ANKS1B: variants seen among roughly 807,000 people sequenced by gnomAD.
ANKS1B encodes ankyrin repeat and sterile alpha motif domain-containing protein 1B.
In ANKS1B, 36 loss-of-function variants were observed where a neutral mutation model predicts 148.3. The observed-to-expected ratio is 0.24, with a 90% CI of 0.19 to 0.32. The LOEUF is 0.32. ANKS1B is among the 10% of genes least tolerant of loss of function. ANKS1B has a pLI of 1.00. For missense variants in ANKS1B, 1,157 were observed against 1,542.6 expected (o/e 0.75, Z 4.19); for synonymous variants, 542 against 560.8 (o/e 0.97, Z 0.47).
chr12:99,223,375 C>CATTGTAACATAT (rs1488272338), intron 14 of ANKS1B, among the ~76,000 whole-genome samples: 3 of 152,180 alleles, frequency 2.0e-5, no homozygotes, highest in Admixed American at 2.0e-4. Context: ...ATTATTATTA[C>CATTGTAACATAT]ATTGTAACAT....
chr12:99,420,440 T>C (rs2095047162), intron 11 of ANKS1B, among the ~76,000 whole-genome samples: 1 of 152,180 alleles, frequency 6.6e-6, no homozygotes, highest in Non-Finnish European at 1.5e-5. Context: ...GTTTTAAGAA[T>C]AAGCACATAG....
chr12:99,448,390 C>T (rs961722202), intron 10 of ANKS1B, among the ~76,000 whole-genome samples: 6 of 152,048 alleles, frequency 3.9e-5, no homozygotes, highest in Non-Finnish European at 7.4e-5. Context: ...GAAATCTAAA[C>T]AAAGTCGAAC....
chr12:99,958,409 G>T (rs758460313), intron 1 of ANKS1B, among the ~76,000 whole-genome samples: 15 of 152,058 alleles, frequency 9.9e-5, no homozygotes, highest in Non-Finnish European at 2.2e-4. Flanking sequence ...TTGAGACAGG[G>T]TCTCACTTTG....
chr12:99,082,928 C>A (rs2050323914), intron 16 of ANKS1B, among the ~76,000 whole-genome samples: 1 of 152,020 alleles, frequency 6.6e-6, no homozygotes, highest in Admixed American at 6.6e-5. Flanking sequence ...AGTATGGAAG[C>A]CATTGCTGAA....
intron 17 of ANKS1B, among the ~76,000 whole-genome samples, chr12:98,836,862 A>G (rs2099366470): frequency 6.6e-6 from 1 of 152,232 alleles, no homozygotes; most frequent in African/African-American, 2.4e-5. Context: ...AAAAAACAAT[A>G]CTGAATTTCT....
chr12:99,364,185 T>C (rs2092641992), intron 12 of ANKS1B, among the ~76,000 whole-genome samples: 1 of 152,136 alleles, frequency 6.6e-6, no homozygotes, highest in South Asian at 2.1e-4. Context: ...ACAGTTTGAT[T>C]AAAGATGTAC....
At chr12:99,893,726 G>A (rs1294618961) in intron 1 of ANKS1B, among the ~76,000 whole-genome samples, 8 of 152,064 alleles carry the variant, frequency 5.3e-5, no homozygotes, top group South Asian at 2.1e-4. Context: ...ATTTATAAGC[G>A]AGAACATGTG....
chr12:99,681,777 A>C (rs1255361295), intron 8 of ANKS1B, among the ~76,000 whole-genome samples: 4 of 152,226 alleles, frequency 2.6e-5, no homozygotes, highest in Non-Finnish European at 4.4e-5. Flanking sequence ...TGACAAAACA[A>C]GGACCATTAA....
chr12:99,606,861 C>T (rs1199788076), intron 9 of ANKS1B, among the ~76,000 whole-genome samples: 1 of 152,016 alleles, frequency 6.6e-6, no homozygotes, highest in African/African-American at 2.4e-5. Context: ...CCAAACTAAC[C>T]CTACATTTGC....
At position 98,751,264 on chromosome 12, in the gene ANKS1B, T is replaced by C; in HGVS notation, c.3747+91A>G. 7.5e-7 allele frequency: 1 copy of C among 1,339,530 alleles called. No homozygotes were observed. The highest frequency in any genetic ancestry group is 1.0e-6 in the Non-Finnish European group (1 of 981,126). 83.0% of individuals were successfully genotyped at this position (1,339,530 alleles called of 1,614,324 possible). A position where few individuals can be genotyped will look rare whatever the true frequency, so the allele number is the denominator to read the frequency against. ...AGGATGAAGAAGAGGCCCTGGGTTC[T>C]AATGGCACCCACACCACACAAGGGC... On this transcript the variant is annotated intron_variant, in intron 26 of 26. Transcript: ENST00000683438. The surrounding 1 kb of genome is among the most constrained non-coding windows in gnomAD (Gnocchi z 4.3).
At chr12:99,793,244 G>A (rs567673664) in intron 4 of ANKS1B, among the ~76,000 whole-genome samples, 2 of 152,118 alleles carry the variant, frequency 1.3e-5, no homozygotes, top group East Asian at 3.9e-4. Context: ...AATCAATATT[G>A]TTAAAATGTC....
intron 17 of ANKS1B, among the ~76,000 whole-genome samples, chr12:98,839,898 A>T (rs770872666): frequency 3.9e-5 from 6 of 152,184 alleles, no homozygotes; most frequent in Non-Finnish European, 7.3e-5. Context: ...CACATGATAC[A>T]TCCTGGTGGG....
chr12:98,927,994 G>A (rs1049097389), intron 17 of ANKS1B, among the ~76,000 whole-genome samples: 6 of 151,080 alleles, frequency 4.0e-5, no homozygotes, highest in African/African-American at 1.5e-4. Context: ...AAAACCAAAA[G>A]TGTATTCTTT....
intron 16 of ANKS1B, among the ~76,000 whole-genome samples, chr12:99,064,823 G>GT (rs1189527113): frequency 1.3e-5 from 2 of 152,128 alleles, no homozygotes; most frequent in Non-Finnish European, 2.9e-5. Flanking sequence ...GAATGGTTTT[G>GT]TTGTACCTCT....
chr12:99,512,887 C>A (rs2096780601), intron 9 of ANKS1B, among the ~76,000 whole-genome samples: 1 of 151,870 alleles, frequency 6.6e-6, no homozygotes, highest in Non-Finnish European at 1.5e-5. Context: ...AAAACACACA[C>A]TGGGGCCTGT....
At chr12:98,749,166 T>C (rs1231924450) in intron 26 of ANKS1B, among the ~76,000 whole-genome samples, 1 of 152,160 alleles carries the variant, frequency 6.6e-6, no homozygotes, top group East Asian at 1.9e-4. Context: ...TGGCTCAATC[T>C]CTGCTCGCTG....
intron 17 of ANKS1B, among the ~76,000 whole-genome samples, chr12:98,972,790 C>A (rs1245120845): frequency 6.6e-6 from 1 of 152,126 alleles, no homozygotes; most frequent in Non-Finnish European, 1.5e-5. Context: ...ATGGGTGTTT[C>A]AATATCATCT....
intron 1 of ANKS1B, among the ~76,000 whole-genome samples, chr12:99,937,777 A>G (rs1603470314): frequency 2.0e-5 from 3 of 152,188 alleles, no homozygotes; most frequent in African/African-American, 7.2e-5. Flanking sequence ...GATTTATAGC[A>G]TAACAGTTAA....
At position 99,563,297 on chromosome 12, in the gene ANKS1B, C is replaced by T. The variant is rs1424746225; in HGVS notation, c.1273-58656G>A. On this transcript the variant is annotated intron_variant, in intron 9 of 26. Transcript: ENST00000683438. ...GATGCCTAGCTTTGGCCTATTTTGG[C>T]TTTCAATATGCCTTCCTCACTAAGC... Among the ~76,000 whole-genome samples the T allele has an allele frequency of 2.6e-5, 4 of 152,152 alleles. No homozygotes were observed. The East Asian group carries it at 7.7e-4, about 29-fold the overall frequency.
Sources: allele counts gnomAD v4.1 joint callset (sites outside exome capture counted in the v4.1 genomes callset), GRCh38; gene constraint gnomAD v4.1.1; non-coding constraint Gnocchi (gnomAD v3.1); transcripts MANE v1.5; gene names NCBI Gene and HGNC (gene_info 2026-07-23, HGNC 2026-07-21).